The following ANKRD30B variants were observed in gnomAD, a reference collection of about 807,000 sequenced individuals.
The protein encoded by ANKRD30B is ankyrin repeat domain 30B.
In ANKRD30B, 144 loss-of-function variants were observed where a neutral mutation model predicts 202.2. The observed-to-expected ratio is 0.71, with a 90% CI of 0.62 to 0.82. The LOEUF is 0.82. ANKRD30B is among the 40% of genes least tolerant of loss of function. The probability of loss-of-function intolerance (pLI) is 0.00; values close to 1 mark genes in which losing one functional copy is unlikely to be tolerated. For synonymous variants in ANKRD30B, 508 were observed against 561.3 expected (o/e 0.91, Z 1.34); for missense variants, 1,487 against 1,669.1 (o/e 0.89, Z 1.90).
intron 7 of ANKRD30B, among the ~76,000 whole-genome samples, chr18:14,764,453 G>A (rs976821181): frequency 6.6e-5 from 10 of 152,116 alleles, no homozygotes; most frequent in African/African-American, 1.2e-4. Context: ...GCAATGGCGC[G>A]AGCGATCTCG....
At chr18:14,793,784 C>T (rs1598628283) in intron 16 of ANKRD30B, among the ~76,000 whole-genome samples, 2 of 151,820 alleles carry the variant, frequency 1.3e-5, no homozygotes, top group East Asian at 1.9e-4. Flanking sequence ...GTCCCAGCCA[C>T]TCAGGAGGTT....
chr18:14,915,825 A>G, the ANKRD30B span, among the ~76,000 whole-genome samples: 1 of 152,228 alleles, frequency 6.6e-6, no homozygotes, highest in Non-Finnish European at 1.5e-5. Context: ...CAGGTTCTAC[A>G]TCCACAAGTC....
intron 7 of ANKRD30B, among the ~76,000 whole-genome samples, 178 bp from the exon 8 acceptor site, chr18:14,769,165 C>T (rs1349505130): frequency 6.6e-6 from 1 of 152,130 alleles, no homozygotes; most frequent in African/African-American, 2.4e-5. Context: ...GTTGAAGTCT[C>T]GCAATGTCTC....
At chr18:14,842,785 G>A (rs569569104) in intron 37 of ANKRD30B, 112 bp from the exon 38 acceptor site, 4 of 1,039,686 alleles carry the variant, frequency 3.8e-6, no homozygotes, top group Non-Finnish European at 5.6e-6. Flanking sequence ...TAAACCTAAA[G>A]GAATCATTCT....
At chr18:14,895,140 G>A in the ANKRD30B span, among the ~76,000 whole-genome samples, 7 of 118,614 alleles carry the variant, frequency 5.9e-5, no homozygotes, top group East Asian at 2.8e-4. Context: ...GACTACTGGC[G>A]GGTAGTAGAT....
the ANKRD30B span, among the ~76,000 whole-genome samples, chr18:14,936,101 G>A: frequency 6.6e-6 from 1 of 152,174 alleles, no homozygotes; most frequent in African/African-American, 2.4e-5. Context: ...GTGTTGCAAG[G>A]GAACATTCCC....
At chr18:14,797,712 C>G (rs375874413) in intron 19 of ANKRD30B, 23 bp downstream of exon 19, 179 of 1,608,818 alleles carry the variant, frequency 1.1e-4, no homozygotes, top group Non-Finnish European at 1.5e-4. Flanking sequence ...ATGTCTCTAT[C>G]TTGAATATTA....
rs1461090117 is a variant in ANKRD30B at position 14,752,929 on chromosome 18, C to T, written c.427C>T (p.Leu143Phe). 3 of 1,604,308 alleles carry T rather than the reference C, an allele frequency of 1.9e-6. No homozygotes were observed. The highest frequency in any genetic ancestry group is 2.3e-5 in the East Asian group (1 of 44,108). Residue 143 changes from leucine (L) to phenylalanine (F), a missense_variant, in exon 3 of 44, where the codon CTC becomes TTC. Coordinates refer to ENST00000690538, the MANE Select transcript of ANKRD30B (RefSeq NM_001367607.2). ...TGTAGATGTGTATGGCAACACGGCT[C>T]TCCATTATGCCGTTTATAGTGAGAA... ...NYVDVYGNTA[L>F]HYAVYSENLL...
At chr18:14,765,469 AAAAAAGAAAAAG>A (rs1296300617) in intron 7 of ANKRD30B, among the ~76,000 whole-genome samples, 3 of 151,974 alleles carry the variant, frequency 2.0e-5, no homozygotes, top group Non-Finnish European at 2.9e-5. Context: ...TCTGAAAAAA[AAAAAAGAAAAAG>A]AAAAAGAAAA....
intron 39 of ANKRD30B, among the ~76,000 whole-genome samples, chr18:14,847,803 A>T (rs1185196930): frequency 6.6e-6 from 1 of 151,758 alleles, no homozygotes; most frequent in Non-Finnish European, 1.5e-5. Flanking sequence ...AAAAATAGAC[A>T]CTCTTCTTGG....
the ANKRD30B span, among the ~76,000 whole-genome samples, chr18:14,897,572 T>G: frequency 5.9e-5 from 9 of 152,086 alleles, no homozygotes; most frequent in South Asian, 4.1e-4. Flanking sequence ...ATGAAAAAAA[T>G]TAATAAATTT....
the ANKRD30B span, among the ~76,000 whole-genome samples, chr18:14,918,624 G>A: frequency 6.6e-6 from 1 of 152,130 alleles, no homozygotes; most frequent in Non-Finnish European, 1.5e-5. Flanking sequence ...CCCAGGGAAT[G>A]CAGTGGAGGA....
At chr18:14,921,803 A>G in the ANKRD30B span, among the ~76,000 whole-genome samples, 6 of 152,182 alleles carry the variant, frequency 3.9e-5, no homozygotes, top group Middle Eastern at 6.8e-3. Context: ...CCTATTTCTC[A>G]CCACGTGGCC....
At chr18:14,917,174 C>T in the ANKRD30B span, among the ~76,000 whole-genome samples, 1 of 152,310 alleles carries the variant, frequency 6.6e-6, no homozygotes, top group African/African-American at 2.4e-5. Context: ...GGCTATTATG[C>T]ATGTCATTCT....
chr18:14,806,217 C>CAA (rs1308694532), intron 24 of ANKRD30B, among the ~76,000 whole-genome samples: 2 of 85,344 alleles, frequency 2.3e-5, no homozygotes, highest in South Asian at 3.8e-4. Context: ...GAGACACCGC[C>CAA]AAAAAAAAAA....
chr18:14,751,965 A>G (rs1431134996), intron 1 of ANKRD30B, among the ~76,000 whole-genome samples: 1 of 152,202 alleles, frequency 6.6e-6, no homozygotes, highest in Non-Finnish European at 1.5e-5. Flanking sequence ...TGTAATAAAT[A>G]ATGAATTATA....
the ANKRD30B span, among the ~76,000 whole-genome samples, chr18:14,888,301 C>T: frequency 5.3e-5 from 8 of 151,902 alleles, no homozygotes; most frequent in Admixed American, 1.3e-4. Flanking sequence ...GTCTGATATA[C>T]CTTATGTAAC....
the ANKRD30B span, among the ~76,000 whole-genome samples, chr18:14,905,066 C>G: frequency 6.6e-6 from 1 of 152,176 alleles, no homozygotes; most frequent in African/African-American, 2.4e-5. Flanking sequence ...TTCTTCACTG[C>G]TACACTCCCA....
the ANKRD30B span, among the ~76,000 whole-genome samples, chr18:14,878,857 C>A: frequency 6.6e-6 from 1 of 152,170 alleles, no homozygotes; most frequent in East Asian, 1.9e-4. Context: ...AGGTGCTGTG[C>A]AGCAATGCCC....
Sources: gnomAD v4.1 joint callset for allele counts (sites outside exome capture counted in the v4.1 genomes callset) on GRCh38, gnomAD v4.1.1 for gene constraint, MANE v1.5 for transcripts, NCBI Gene and HGNC (gene_info 2026-07-23, HGNC 2026-07-21) for gene names.